Variants in RECQL4 observed in about 807,000 individuals in gnomAD.
RECQL4 encodes the protein RecQ like helicase 4, also known as ATP-dependent DNA helicase Q4.
Under a neutral mutation model 128.6 loss-of-function variants are expected in RECQL4, and 158 were observed. The observed-to-expected ratio is 1.23, with a 90% CI of 1.08 to 1.40. The LOEUF (loss-of-function observed/expected upper bound fraction) is 1.40, where lower values mean the gene tolerates loss of function less well. RECQL4 is among the 40% of genes most tolerant of loss of function. The probability of loss-of-function intolerance (pLI) is 0.00; values close to 1 mark genes in which losing one functional copy is unlikely to be tolerated. For missense variants in RECQL4, 2,293 were observed against 1,649.8 expected, an observed-to-expected ratio of 1.39 and a Z score of -6.75; for synonymous variants, 996 against 678.9, an observed-to-expected ratio of 1.47 and a Z score of -7.26.
intron 9 of RECQL4, among the ~76,000 whole-genome samples, 152 bp from the exon 10 acceptor site, chr8:144,514,677 TG>T (rs1827889793): frequency 6.6e-6 from 1 of 152,176 alleles, no homozygotes; most frequent in Admixed American, 6.5e-5. Context: ...GAGCCACCTG[TG>T]GGCCTTGGCC....
chr8:144,515,990 G>C lies in RECQL4; in HGVS notation c.1129C>G (p.Gln377Glu), dbSNP rs372521987. ...RALRSRLLRK[Q>E]AWKQKWRKKG... The stretch of plus-strand genomic sequence containing the variant: ...GTCCTGGCCCGTCGCTGTCTTACCT[G>C]CTTGCGGAGGAGCCTGCTACGGAGT... Residue 377 changes from glutamine (Q) to glutamate (E), a missense_variant and splice_region_variant, in exon 5 of 21, where the codon CAG becomes GAG. Transcript: ENST00000617875. 33 of 1,609,438 alleles carry C rather than the reference G, an allele frequency of 2.1e-5. No individual in the cohort carries two copies. Among genetic ancestry groups the C allele is most frequent in the African/African-American group, 2.7e-5 (2 of 74,890 alleles).
In RECQL4 at chr8:144,511,410, A is replaced by G; in HGVS notation, c.*21T>C. On this transcript the variant is annotated 3_prime_UTR_variant, in exon 21 of 21. Coordinates refer to ENST00000617875, the MANE Select transcript of RECQL4 (RefSeq NM_004260.4). ...CCTCTGACAACCCCAGCTCTACCCG[A>G]CATCCCCCAATGCAGTGCAGTCAGC... 2 of 1,606,490 alleles carry G rather than the reference A, an allele frequency of 1.2e-6. No homozygotes were observed. Among genetic ancestry groups the G allele is most frequent in the Non-Finnish European group, 8.5e-7 (1 of 1,174,756 alleles).
At chr8:144,517,539 G>A in intron 2 of RECQL4, 31 bp from the exon 3 acceptor site, 2 of 1,554,328 alleles carry the variant, frequency 1.3e-6, no homozygotes, top group South Asian at 2.3e-5. Context: ...CGGGGTCAGG[G>A]TGGGGCCTGG....
rs770138627 is a variant in RECQL4 at position 144,516,274 on chromosome 8, G to C, written c.845C>G (p.Ala282Gly). 7 of 1,611,814 alleles carry C rather than the reference G, an allele frequency of 4.3e-6. No individual in the cohort carries two copies. The highest frequency in any genetic ancestry group is 2.5e-6 in the Non-Finnish European group (3 of 1,179,444). ...CCCAGCCCCCTCCGATGGGGGTCCAGCTTGGCTGCTCTCCTGCTGGACCTG... is the reference window on the plus strand; with the variant it reads ...CCCAGCCCCCTCCGATGGGGGTCCACCTTGGCTGCTCTCCTGCTGGACCTG... Reference protein sequence around the residue: ...PAQVQQESSQAGPPSEGAGAV... With the variant: ...PAQVQQESSQGGPPSEGAGAV... Residue 282 changes from alanine to glycine, a missense_variant, in exon 5 of 21, where the codon GCT becomes GGT. Ala to Gly is a moderately conservative substitution (Grantham distance 60, BLOSUM62 0). Transcript: ENST00000617875.
chr8:144,512,021 C>T lies in RECQL4; in HGVS notation c.3283G>A (p.Glu1095Lys), dbSNP rs898264400. Reference sequence around the variant, plus strand: ...AGGTCCTTGAGCCTGGTGCTGCGCTCCTCATCCTGCTGCTCCAGGCAGGGC... The same window carrying T: ...AGGTCCTTGAGCCTGGTGCTGCGCTTCTCATCCTGCTGCTCCAGGCAGGGC... Reference protein sequence around the residue: ...CGPCLEQQDEERSTRLKDLLG... With the variant: ...CGPCLEQQDEKRSTRLKDLLG... Residue 1095 changes from glutamate to lysine, a missense_variant, in exon 19 of 21, where the codon GAG (glutamate) becomes AAG (lysine). By Grantham distance (56) the Glu-to-Lys change is moderately conservative. Transcript: ENST00000617875. The T allele has an allele frequency of 1.4e-5, 22 of 1,609,010 alleles. No individual in the cohort carries two copies. Among genetic ancestry groups the T allele is most frequent in the Non-Finnish European group, 1.9e-5 (22 of 1,178,878 alleles).
chr8:144,513,436 A>G lies in RECQL4; in HGVS notation c.2245T>C (p.Cys749Arg), dbSNP rs1564795333. 1.2e-6 allele frequency: 2 copies of G among 1,609,748 alleles called. No individual in the cohort carries two copies. The highest frequency in any genetic ancestry group is 1.7e-6 in the Non-Finnish European group (2 of 1,179,778). ...TTAEAYHAGM[C>R]SRERRRVQRA... is the part of the protein sequence containing the mutation. ...TGTACCCGCCGCCGTTCCCGGCTGCACATGCCCGCGTGGTAGGCCTCGGCT... is the reference window on the plus strand; with the variant it reads ...TGTACCCGCCGCCGTTCCCGGCTGCGCATGCCCGCGTGGTAGGCCTCGGCT... The change falls in exon 14 of 21, where the codon TGC becomes CGC. Residue 749 changes from cysteine (C) to arginine (R), a missense_variant. By Grantham distance (180) the Cys-to-Arg change is radical. Coordinates refer to ENST00000617875, the MANE Select transcript of RECQL4 (RefSeq NM_004260.4).
At position 144,511,714 on chromosome 8, in the gene RECQL4, T is replaced by C; in HGVS notation, c.3469A>G (p.Ser1157Gly). The change falls in exon 20 of 21, where the codon AGC (serine) becomes GGC (glycine). Residue 1157 changes from serine to glycine, a missense_variant. Physicochemically the swap from Ser to Gly is moderately conservative, Grantham distance 56 (BLOSUM62 0). Coordinates refer to ENST00000617875, the MANE Select transcript of RECQL4 (RefSeq NM_004260.4). ...TGGAAGATGCGGGCCACAGCCCTGC[T>C]GGAGAACTTCTCCTCTGGCCTCAGG... Reference protein sequence around the residue: ...LSLRPEEKFSSRAVARIFHGI... With the variant: ...LSLRPEEKFSGRAVARIFHGI... 1 of 1,612,586 alleles carries C rather than the reference T, an allele frequency of 6.2e-7. No homozygotes were observed. The highest frequency in any genetic ancestry group is 8.5e-7 in the Non-Finnish European group (1 of 1,179,816).
Position 144,515,989 on chromosome 8 carries a change from T to C in RECQL4, c.1130A>G (p.Gln377Arg), listed in dbSNP as rs944826681. Residue 377 changes from glutamine to arginine, a missense_variant and splice_region_variant, in exon 5 of 21, where the codon CAG (glutamine) becomes CGG (arginine). Transcript: ENST00000617875. Reference protein sequence around the residue: ...RALRSRLLRKQAWKQKWRKKG... With the variant: ...RALRSRLLRKRAWKQKWRKKG... ...TGTCCTGGCCCGTCGCTGTCTTACC[T>C]GCTTGCGGAGGAGCCTGCTACGGAG... is the stretch of plus-strand genomic sequence containing the variant. 6.2e-7 allele frequency: 1 copy of C among 1,609,634 alleles called. No homozygotes were observed. Among genetic ancestry groups the C allele is most frequent in the East Asian group, 2.2e-5 (1 of 44,802 alleles).
rs2130683087 is a variant in RECQL4, at chr8:144,513,613, G to A, written c.2158C>T (p.Leu720Phe). The A allele has an allele frequency of 6.2e-7, 1 of 1,604,438 alleles. No individual in the cohort carries two copies. The highest frequency in any genetic ancestry group is 8.5e-7 in the Non-Finnish European group (1 of 1,176,148). The change falls in exon 13 of 21, where the codon CTC becomes TTC. Residue 720 changes from leucine (L) to phenylalanine (F), a missense_variant. Physicochemically the swap from Leu to Phe is conservative, Grantham distance 22 (BLOSUM62 0). Coordinates refer to ENST00000617875, the MANE Select transcript of RECQL4 (RefSeq NM_004260.4). ...CAGGCTGCGTGCAGGCAGGTTCGGA[G>A]GAGCGCAGCGATCCGCTCTGTGTCC... ...REDTERIAAL[L>F]RTCLHAAWVP...
rs530002165 is a variant in RECQL4 at position 144,517,444 on chromosome 8, G to A, written c.183C>T (p.Ser61=). Residue 61 remains serine, a synonymous_variant, in exon 3 of 21, where the codon AGC becomes AGT. Coordinates refer to ENST00000617875, the MANE Select transcript of RECQL4 (RefSeq NM_004260.4). ...CGGCCGCCGCGGGGAGCGACTCGGAGCTGCGGAGCCCGCCGCCGGCCTGGC... is the reference window on the plus strand; with the variant it reads ...CGGCCGCCGCGGGGAGCGACTCGGAACTGCGGAGCCCGCCGCCGGCCTGGC... ...TTGQAGGGLR[S]SESLPAAAEE... 6.3e-7 allele frequency: 1 copy of A among 1,590,854 alleles called. No homozygotes were observed. Among genetic ancestry groups the A allele is most frequent in the African/African-American group, 1.3e-5 (1 of 74,774 alleles).
rs772729762 is a variant in RECQL4 at position 144,512,002 on chromosome 8, T to G, written c.3302A>C (p.Lys1101Thr). ...CTCAAAGTAGCGGCCGAGCAGGTCC[T>G]TGAGCCTGGTGCTGCGCTCCTCATC... ...QQDEERSTRLKDLLGRYFEEE... is the reference protein window; with the variant it reads ...QQDEERSTRLTDLLGRYFEEE... The change falls in exon 19 of 21, where the codon AAG becomes ACG. Residue 1101 changes from lysine to threonine, a missense_variant. Lys to Thr is a moderately conservative substitution (Grantham distance 78). Coordinates refer to ENST00000617875, the MANE Select transcript of RECQL4 (RefSeq NM_004260.4). The G allele has an allele frequency of 6.2e-7, 1 of 1,609,892 alleles. No individual in the cohort carries two copies. Among genetic ancestry groups the G allele is most frequent in the Non-Finnish European group, 8.5e-7 (1 of 1,179,126 alleles).
chr8:144,514,862 G>A (rs547026154), intron 9 of RECQL4, 74 bp downstream of exon 9: 68 of 1,547,618 alleles, frequency 4.4e-5, no homozygotes, highest in Admixed American at 7.3e-5. Context: ...TAGGGGACAA[G>A]CAGCAGTTGC....
rs368617241 is a variant in RECQL4 at position 144,512,072 on chromosome 8, G to A, written c.3237-5C>T. ...CCGCAGCTGGGGAAGGCTACGCTGT[G>A]GGGAGGAGCCTGTCAGAGCTGATCA... On this transcript the variant is annotated splice_region_variant and splice_polypyrimidine_tract_variant and intron_variant, in intron 18 of 20. Transcript: ENST00000617875. The A allele has an allele frequency of 6.2e-7, 1 of 1,607,066 alleles. No individual in the cohort carries two copies. The highest frequency in any genetic ancestry group is 8.5e-7 in the Non-Finnish European group (1 of 1,178,164).
intron 5 of RECQL4, 23 bp from the exon 6 acceptor site, chr8:144,515,913 G>T: frequency 6.2e-7 from 1 of 1,612,642 alleles, no homozygotes; most frequent in South Asian, 1.1e-5. Context: ...CACATAGGAG[G>T]GTCACTGGGC....
rs766559898 is a variant in RECQL4, at chr8:144,514,068, G to A, written c.1918C>T (p.Leu640Phe). 1.4e-5 allele frequency: 22 copies of A among 1,590,616 alleles called. No homozygotes were observed. Among genetic ancestry groups the A allele is most frequent in the Non-Finnish European group, 1.9e-5 (22 of 1,169,818 alleles). Residue 640 changes from leucine to phenylalanine, a missense_variant, in exon 12 of 21, where the codon CTC (leucine) becomes TTC (phenylalanine). Leu to Phe is a conservative substitution (Grantham distance 22). Transcript: ENST00000617875. The part of the protein sequence containing the change: ...ERMGVHCFLG[L>F]TATATRRTAS... ...GTGCGGCGTGTGGCTGTGGCTGTGA[G>A]GCCCAGGAAGCAGTGCACGCCCATG...
Position 144,512,504 on chromosome 8 carries a change from G to A in RECQL4, c.2943C>T (p.Gly981=), listed in dbSNP as rs1362234337. Residue 981 remains glycine, a synonymous_variant, in exon 17 of 21, where the codon GGC becomes GGT. Coordinates refer to ENST00000617875, the MANE Select transcript of RECQL4 (RefSeq NM_004260.4). ...AQQLPEDPGQ[G]SSSVEFDMVK... ...CCATGTCAAACTCCACGGAGCTGCT[G>A]CCTTGCCCTGGGTCCTCAGGCAGCT... 2 of 1,612,548 alleles carry A rather than the reference G, an allele frequency of 1.2e-6. No individual in the cohort carries two copies. The highest frequency in any genetic ancestry group is 1.7e-5 in the Admixed American group (1 of 60,020).
chr8:144,513,938 T>C lies in RECQL4; in HGVS notation c.2048A>G (p.Asp683Gly), dbSNP rs1827765739. 6.5e-7 allele frequency: 1 copy of C among 1,549,314 alleles called. No individual in the cohort carries two copies. Among genetic ancestry groups the C allele is most frequent in the Admixed American group, 1.9e-5 (1 of 51,834 alleles). ...AGCACACACACCCACCTGGTCTGTG[T>C]CCCTGTCCATGGACACGGAAAGGTG... is the stretch of plus-strand genomic sequence containing the variant. ...NLHLSVSMDR[D>G]TDQALLTLLQ... Residue 683 changes from aspartate (D) to glycine (G), a missense_variant, in exon 12 of 21, where the codon GAC (aspartate) becomes GGC (glycine). Asp to Gly is a moderately conservative substitution (Grantham distance 94). Transcript: ENST00000617875.
chr8:144,512,532 T>G lies in RECQL4; in HGVS notation c.2915A>C (p.Gln972Pro). Residue 972 changes from glutamine to proline, a missense_variant, in exon 17 of 21, where the codon CAG (glutamine) becomes CCG (proline). Transcript: ENST00000617875. ...RCPPLAVCLA[Q>P]QLPEDPGQGS... ...TTGCCCTGGGTCCTCAGGCAGCTGC[T>G]GGGCCAAGCACACAGCCAAAGGGGG... The G allele has an allele frequency of 1.2e-6, 2 of 1,612,540 alleles. No homozygotes were observed. The highest frequency in any genetic ancestry group is 1.7e-6 in the Non-Finnish European group (2 of 1,179,816).
chr8:144,516,579 G>A lies in RECQL4; in HGVS notation c.540C>T (p.Ser180=), dbSNP rs2130726921. 3 of 1,609,976 alleles carry A rather than the reference G, an allele frequency of 1.9e-6. No homozygotes were observed. The highest frequency in any genetic ancestry group is 1.7e-6 in the Non-Finnish European group (2 of 1,178,696). Residue 180 remains serine (S), a synonymous_variant, in exon 5 of 21, where the codon AGC becomes AGT. Transcript: ENST00000617875. ...GRLQHLQASL[S]QRLGSLDPGW... is the part of the protein sequence containing the mutation. ...CAGGATCTAGGGAGCCCAGCCGCTG[G>A]CTCAGGGATGCCTGCAGATGCTGGA... is the stretch of plus-strand genomic sequence containing the variant.
Sources: allele counts gnomAD v4.1 joint callset (sites outside exome capture counted in the v4.1 genomes callset), GRCh38; gene constraint gnomAD v4.1.1; transcripts MANE v1.5; gene names NCBI Gene and HGNC (gene_info 2026-07-23, HGNC 2026-07-21).